Variants in SGK3 observed in about 807,000 individuals in gnomAD.
SGK3 encodes the protein serine/threonine-protein kinase Sgk3.
SGK3 carries 47 observed loss-of-function variants against 68.5 expected under a neutral mutation model. The ratio of observed to expected loss-of-function variants is 0.69; its 90% CI spans 0.54 to 0.87. SGK3 has a LOEUF of 0.87. Ranked by LOEUF, SGK3 falls within the 40% of genes least tolerant of loss-of-function variation. The pLI is 0.00. For synonymous variants in SGK3, 181 were observed against 189.1 expected (o/e 0.96, Z 0.35); for missense variants, 479 against 575.5 (o/e 0.83, Z 1.72).
At position 66,859,786 on chromosome 8, in the gene SGK3, G is replaced by T; in HGVS notation, c.*205G>T. On this transcript the variant is annotated 3_prime_UTR_variant, in exon 17 of 17. Transcript: ENST00000521198. ...TGTTTTGATTAAAATTTATATTCTT[G>T]TTTAATAAGCTTATTTTTAAACAAT... The T allele has an allele frequency of 6.0e-6, 3 of 497,822 alleles. No homozygotes were observed. Among genetic ancestry groups the T allele is most frequent in the South Asian group, 6.3e-5 (1 of 15,818 alleles). 30.8% of individuals were successfully genotyped at this position (497,822 alleles called of 1,614,324 possible).
At chr8:66,757,109 T>C (rs1001107421) in intron 1 of SGK3, among the ~76,000 whole-genome samples, 2 of 151,272 alleles carry the variant, frequency 1.3e-5, no homozygotes, top group African/African-American at 4.9e-5. Flanking sequence ...CGTGATCCCT[T>C]TCCTAACTAC....
intron 1 of SGK3, among the ~76,000 whole-genome samples, chr8:66,720,382 C>T (rs928184851): frequency 6.6e-6 from 1 of 152,140 alleles, no homozygotes; most frequent in Non-Finnish European, 1.5e-5. Flanking sequence ...CCCGTAACCC[C>T]AGCACTTTTA....
At chr8:66,758,583 T>G (rs1445336487) in intron 1 of SGK3, among the ~76,000 whole-genome samples, 1 of 152,118 alleles carries the variant, frequency 6.6e-6, no homozygotes, top group Non-Finnish European at 1.5e-5. Context: ...TACAGAGATA[T>G]GTAGTTGGAA....
At chr8:66,839,533 A>ATATG (rs1809696580) in intron 10 of SGK3, among the ~76,000 whole-genome samples, 2 of 87,906 alleles carry the variant, frequency 2.3e-5, no homozygotes, top group African/African-American at 1.0e-4. Context: ...ATATATATAT[A>ATATG]TATATATATA....
chr8:66,752,705 G>A (rs986892697), intron 1 of SGK3, among the ~76,000 whole-genome samples: 2 of 152,070 alleles, frequency 1.3e-5, no homozygotes, highest in Non-Finnish European at 2.9e-5. Flanking sequence ...GCTAAAGGGG[G>A]CCAGGTGCTT....
At chr8:66,786,972 C>G (rs1563626847) in intron 1 of SGK3, among the ~76,000 whole-genome samples, 1 of 107,144 alleles carries the variant, frequency 9.3e-6, no homozygotes, top group Non-Finnish European at 1.7e-5. Flanking sequence ...GAGTGTCACT[C>G]TGTAACCCAG....
intron 1 of SGK3, among the ~76,000 whole-genome samples, chr8:66,758,837 C>G (rs371001180): frequency 2.0e-5 from 3 of 151,976 alleles, no homozygotes; most frequent in East Asian, 1.9e-4. Flanking sequence ...CATTTTTATG[C>G]TCAATTACAT....
intron 1 of SGK3, among the ~76,000 whole-genome samples, chr8:66,758,369 A>G (rs1407257825): frequency 5.3e-5 from 8 of 152,126 alleles, no homozygotes; most frequent in African/African-American, 1.9e-4. Flanking sequence ...CAAACAAAAA[A>G]GTATTTTTAT....
chr8:66,758,001 A>ACACACAC (rs1286366761), intron 1 of SGK3, among the ~76,000 whole-genome samples: 7 of 143,258 alleles, frequency 4.9e-5, no homozygotes, highest in African/African-American at 1.7e-4. Flanking sequence ...ATATATATAC[A>ACACACAC]CACACACACT....
chr8:66,724,639 T>C (rs1395823395), intron 1 of SGK3, among the ~76,000 whole-genome samples: 1 of 152,212 alleles, frequency 6.6e-6, no homozygotes, highest in Non-Finnish European at 1.5e-5. Flanking sequence ...AACTAAAGTC[T>C]TTGTCCCACT....
intron 8 of SGK3, among the ~76,000 whole-genome samples, chr8:66,834,896 C>G (rs1391707761): frequency 6.8e-6 from 1 of 148,034 alleles, no homozygotes; most frequent in East Asian, 2.0e-4. Flanking sequence ...GCCGAGATCG[C>G]GCCACTGCAC....
chr8:66,772,599 C>T (rs1806547935), intron 1 of SGK3, among the ~76,000 whole-genome samples: 1 of 146,086 alleles, frequency 6.8e-6, no homozygotes, highest in Non-Finnish European at 1.5e-5. Flanking sequence ...CTCGCTCTGT[C>T]GCCCAGGTTG....
intron 1 of SGK3, among the ~76,000 whole-genome samples, chr8:66,752,057 G>T (rs559311108): frequency 6.6e-6 from 1 of 152,240 alleles, no homozygotes; most frequent in African/African-American, 2.4e-5. Flanking sequence ...GAGCCCCCAA[G>T]CCTGGCCTAA....
At chr8:66,748,099 G>C (rs953721275) in intron 1 of SGK3, among the ~76,000 whole-genome samples, 2 of 152,130 alleles carry the variant, frequency 1.3e-5, no homozygotes, top group African/African-American at 2.4e-5. Context: ...ACCAGGCTCA[G>C]CTCTTGTTAT....
chr8:66,769,546 T>A (rs1299661567), intron 1 of SGK3, among the ~76,000 whole-genome samples: 1 of 152,212 alleles, frequency 6.6e-6, no homozygotes, highest in Non-Finnish European at 1.5e-5. Flanking sequence ...TCTGTCTATA[T>A]TTTAGAAAGT....
In SGK3 at chr8:66,847,278, C is replaced by G; in HGVS notation, c.1160C>G (p.Thr387Arg). ...AGTTTGAGGCCAGGAGTGAGTCTTACAGCCTGGTCCATTCTGGAAGAACTC... is the reference window on the plus strand; with the variant it reads ...AGTTTGAGGCCAGGAGTGAGTCTTAGAGCCTGGTCCATTCTGGAAGAACTC... ...PLSLRPGVSL[T>R]AWSILEELLE... Residue 387 changes from threonine (T) to arginine (R), a missense_variant, in exon 15 of 17, where the codon ACA (threonine) becomes AGA (arginine). Transcript: ENST00000521198. The G allele has an allele frequency of 1.2e-6, 2 of 1,613,850 alleles. No individual in the cohort carries two copies. The highest frequency in any genetic ancestry group is 8.5e-7 in the Non-Finnish European group (1 of 1,179,976).
At chr8:66,772,479 G>C (rs950865879) in intron 1 of SGK3, among the ~76,000 whole-genome samples, 10 of 150,262 alleles carry the variant, frequency 6.7e-5, no homozygotes, top group Non-Finnish European at 1.3e-4. Context: ...ATTGCAGCCT[G>C]TACCTTCCAG....
chr8:66,732,280 T>C (rs998330250), intron 1 of SGK3, among the ~76,000 whole-genome samples: 1 of 152,142 alleles, frequency 6.6e-6, no homozygotes, highest in Non-Finnish European at 1.5e-5. Flanking sequence ...ACTAAAAATA[T>C]TTGGACATTT....
At chr8:66,757,748 C>T (rs1208562031) in intron 1 of SGK3, among the ~76,000 whole-genome samples, 2 of 150,904 alleles carry the variant, frequency 1.3e-5, no homozygotes, top group Non-Finnish European at 2.9e-5. Context: ...AACCTCGTCT[C>T]TACTAAAACT....
Sources: allele counts gnomAD v4.1 joint callset (sites outside exome capture counted in the v4.1 genomes callset), GRCh38; gene constraint gnomAD v4.1.1; transcripts MANE v1.5; gene names NCBI Gene and HGNC (gene_info 2026-07-23, HGNC 2026-07-21).